Variants in NRXN1 observed in about 807,000 individuals in gnomAD.
NRXN1 encodes the protein neurexin 1, also known as neurexin-1.
Under a neutral mutation model 150.9 loss-of-function variants are expected in NRXN1, and 39 were observed. The observed-to-expected ratio is 0.26, with a 90% confidence interval of 0.20 to 0.34. NRXN1 has a LOEUF of 0.34. Among genes scored for constraint, NRXN1 ranks in the 10% least tolerant of loss-of-function variants. The pLI is 1.00. For synonymous variants in NRXN1, 924 were observed against 757.0 expected (o/e 1.22, Z -3.62); for missense variants, 1,815 against 1,949.9 (o/e 0.93, Z 1.30).
chr2:50,818,828 C>T (rs978058925), intron 5 of NRXN1, among the ~76,000 whole-genome samples: 1 of 152,002 alleles, frequency 6.6e-6, no homozygotes, highest in African/African-American at 2.4e-5. Context: ...GGCAGAAACA[C>T]AACTTGATTA....
chr2:49,993,676 T>C (rs189493886), intron 21 of NRXN1, among the ~76,000 whole-genome samples: 232 of 152,242 alleles, frequency 1.5e-3, no homozygotes, highest in African/African-American at 4.9e-3. Context: ...TCTACCTTCC[T>C]CTTAATTTTG....
At chr2:50,867,367 C>T (rs1677100071) in intron 5 of NRXN1, among the ~76,000 whole-genome samples, 1 of 151,782 alleles carries the variant, frequency 6.6e-6, no homozygotes, top group South Asian at 2.1e-4. Flanking sequence ...TACTCTCTCA[C>T]TGACACTGTA....
At position 49,960,903 on chromosome 2, in the gene NRXN1, T is replaced by C. The variant is rs116188135; in HGVS notation, c.4129-17112A>G. ...TTCTTTTCCCCATAAATGGAATCCA[T>C]AGCATACTATAATTGGGTAAGTTTT... On this transcript the variant is annotated intron_variant, in intron 21 of 22. Coordinates refer to ENST00000401669, the MANE Select transcript of NRXN1 (RefSeq NM_001330078.2). Among the ~76,000 whole-genome samples, 592 of 152,300 alleles carry C rather than the reference T, an allele frequency of 3.9e-3. 4 individuals carry two copies. Among genetic ancestry groups the C allele is most frequent in the African/African-American group, 0.013 (561 of 41,560 alleles).
intron 19 of NRXN1, among the ~76,000 whole-genome samples, chr2:50,084,176 C>G (rs939115403): frequency 6.6e-6 from 1 of 152,232 alleles, no homozygotes; most frequent in Non-Finnish European, 1.5e-5. Context: ...GCTGGCTTCA[C>G]CCAGCGTATC....
At chr2:50,558,675 G>T (rs758561671) in intron 8 of NRXN1, among the ~76,000 whole-genome samples, 1 of 152,048 alleles carries the variant, frequency 6.6e-6, no homozygotes. Context: ...AAATCTGTGC[G>T]GTTTAAAAAT....
intron 2 of NRXN1, among the ~76,000 whole-genome samples, chr2:51,004,432 A>C (rs1700450038): frequency 6.6e-6 from 1 of 151,992 alleles, no homozygotes; most frequent in Non-Finnish European, 1.5e-5. Context: ...CTGAAATTTT[A>C]TTACACAGAA....
intron 17 of NRXN1, among the ~76,000 whole-genome samples, chr2:50,433,175 G>A (rs1041449292): frequency 3.3e-5 from 5 of 152,178 alleles, no homozygotes; most frequent in Admixed American, 6.5e-5. Context: ...GGTATTTGAT[G>A]ACTTGTTTTA....
chr2:50,914,892 C>T (rs1216768077), intron 5 of NRXN1, among the ~76,000 whole-genome samples: 2 of 151,642 alleles, frequency 1.3e-5, no homozygotes, highest in African/African-American at 4.8e-5. Context: ...GTGCCAGTCA[C>T]TGCTCTAGGG....
intron 8 of NRXN1, among the ~76,000 whole-genome samples, chr2:50,556,231 T>C (rs1668234425): frequency 6.6e-6 from 1 of 152,162 alleles, no homozygotes; most frequent in Admixed American, 6.5e-5. Context: ...CTGAATCTAG[T>C]TCAATTAGAA....
chr2:50,969,772 C>T (rs1371938087), intron 2 of NRXN1, among the ~76,000 whole-genome samples: 1 of 151,970 alleles, frequency 6.6e-6, no homozygotes, highest in Non-Finnish European at 1.5e-5. Flanking sequence ...CCAAGGAGAA[C>T]CTCAGAAGGT....
intron 18 of NRXN1, among the ~76,000 whole-genome samples, chr2:50,096,600 C>A (rs1396112191): frequency 6.6e-6 from 1 of 152,128 alleles, no homozygotes; most frequent in East Asian, 1.9e-4. Flanking sequence ...CTGTATATTC[C>A]TTGAAATAGA....
chr2:50,185,995 T>A (rs1043132730), intron 18 of NRXN1, among the ~76,000 whole-genome samples: 1 of 152,072 alleles, frequency 6.6e-6, no homozygotes, highest in African/African-American at 2.4e-5. Context: ...TTAGTAGAGA[T>A]GCAGATATTT....
chr2:50,313,745 G>T (rs1300183613), intron 17 of NRXN1, among the ~76,000 whole-genome samples: 1 of 152,070 alleles, frequency 6.6e-6, no homozygotes, highest in African/African-American at 2.4e-5. Context: ...AAGACATCAG[G>T]ATTGCTAGGA....
chr2:50,396,238 T>C (rs1395207625), intron 17 of NRXN1, among the ~76,000 whole-genome samples: 2 of 152,168 alleles, frequency 1.3e-5, no homozygotes, highest in African/African-American at 4.8e-5. Flanking sequence ...TCAAGTGCCA[T>C]TTAAAGTAAC....
At chr2:50,241,908 C>G in intron 17 of NRXN1, among the ~76,000 whole-genome samples, 1 of 151,732 alleles carries the variant, frequency 6.6e-6, no homozygotes, top group East Asian at 1.9e-4. Context: ...AACCAATCAG[C>G]ATGTACAGGT....
intron 21 of NRXN1, among the ~76,000 whole-genome samples, chr2:50,038,687 T>C (rs1306907798): frequency 6.6e-6 from 1 of 152,108 alleles, no homozygotes; most frequent in Non-Finnish European, 1.5e-5. Context: ...CAGGAACAGA[T>C]AGCTAAATAA....
At chr2:50,082,417 A>G (rs1411760721) in intron 19 of NRXN1, among the ~76,000 whole-genome samples, 1 of 152,220 alleles carries the variant, frequency 6.6e-6, no homozygotes, top group African/African-American at 2.4e-5. Flanking sequence ...ACAAGAAGTT[A>G]AAGGGGGAAA....
At chr2:50,832,498 T>C (rs1559327533) in intron 5 of NRXN1, among the ~76,000 whole-genome samples, 1 of 151,910 alleles carries the variant, frequency 6.6e-6, no homozygotes, top group Non-Finnish European at 1.5e-5. Context: ...ACTAAAAATG[T>C]AAAAATCAGC....
At chr2:49,984,572 A>G (rs1274320145) in intron 21 of NRXN1, among the ~76,000 whole-genome samples, 2 of 152,092 alleles carry the variant, frequency 1.3e-5, no homozygotes, top group African/African-American at 2.4e-5. Context: ...GGCTCTTGGT[A>G]GTTCCTAGAG....
Sources: allele counts gnomAD v4.1 joint callset (sites outside exome capture counted in the v4.1 genomes callset), GRCh38; gene constraint gnomAD v4.1.1; transcripts MANE v1.5; gene names NCBI Gene and HGNC (gene_info 2026-07-23, HGNC 2026-07-21).